The following GARNL3 variants were observed in gnomAD, a reference collection of about 807,000 sequenced individuals.
GARNL3 encodes GTPase activating Rap/RanGAP domain like 3.
Under a neutral mutation model 125.0 loss-of-function variants are expected in GARNL3, and 63 were observed. The ratio of observed to expected loss-of-function variants is 0.50; its 90% CI spans 0.41 to 0.62. The LOEUF is 0.62. Among genes scored for constraint, GARNL3 ranks in the 20% least tolerant of loss-of-function variants. GARNL3 has a pLI of 0.00. For synonymous variants in GARNL3, 439 were observed against 457.5 expected (o/e 0.96, Z 0.52); for missense variants, 994 against 1,244.0 (o/e 0.80, Z 3.02).
intron 6 of GARNL3, among the ~76,000 whole-genome samples, chr9:127,321,871 A>G (rs1353733083): frequency 2.0e-5 from 3 of 152,224 alleles, no homozygotes. Context: ...TTTTAGGTAA[A>G]TAGCAAGAGG....
At chr9:127,353,772 C>A in intron 17 of GARNL3, 74 bp from the exon 18 acceptor site, 1 of 984,238 alleles carries the variant, frequency 1.0e-6, no homozygotes, top group Admixed American at 1.7e-5. Context: ...CAAAACTACC[C>A]ACAGGCACGT....
chr9:127,291,024 C>T (rs926601899), intron 1 of GARNL3, 144 bp from the exon 2 acceptor site: 1 of 736,050 alleles, frequency 1.4e-6, no homozygotes, highest in African/African-American at 1.8e-5. Flanking sequence ...GAGTACCTGC[C>T]TGATAGAGCT....
chr9:127,277,902 G>A (rs988284687), intron 1 of GARNL3, among the ~76,000 whole-genome samples: 2 of 152,182 alleles, frequency 1.3e-5, no homozygotes, highest in East Asian at 3.9e-4. Flanking sequence ...GTCATTATTT[G>A]TGGGCATTTT....
At chr9:127,375,257 G>A (rs192123948) in intron 22 of GARNL3, among the ~76,000 whole-genome samples, 23 of 152,278 alleles carry the variant, frequency 1.5e-4, no homozygotes, top group South Asian at 6.2e-4. Flanking sequence ...AAGGTTAGGA[G>A]TTCAAGACCA....
At chr9:127,284,877 G>C (rs113614677) in intron 1 of GARNL3, among the ~76,000 whole-genome samples, 358 of 151,910 alleles carry the variant, frequency 2.4e-3, no homozygotes, top group Middle Eastern at 0.017. Flanking sequence ...CTGTGTTGCC[G>C]AGGCTGGAGT....
chr9:127,254,585 A>G (rs1005917372), intron 2 of GARNL3, among the ~76,000 whole-genome samples: 10 of 152,098 alleles, frequency 6.6e-5, no homozygotes, highest in Admixed American at 1.3e-4. Context: ...CCTGGCCAAC[A>G]TGGTGAAACC....
At position 127,388,933 on chromosome 9, in the gene GARNL3, A is replaced by G; in HGVS notation, c.2557A>G (p.Ile853Val). The G allele has an allele frequency of 6.2e-7, 1 of 1,611,594 alleles. No homozygotes were observed. Among genetic ancestry groups the G allele is most frequent in the Non-Finnish European group, 8.5e-7 (1 of 1,177,614 alleles). Residue 853 changes from isoleucine (I) to valine (V), a missense_variant, in exon 26 of 28, where the codon ATT (isoleucine) becomes GTT (valine). Ile to Val is a conservative substitution (Grantham distance 29). Around this residue, in one of 5 missense-constraint regions of GARNL3, gnomAD observed 728 missense variants for 865.7 expected, o/e 0.84. Coordinates refer to ENST00000373387, the MANE Select transcript of GARNL3 (RefSeq NM_032293.5). ...AATTCAATCAAAAAATCTGTACAAG[A>G]TTCCACTTAGAAACCTCGTGGGCAG... ...GEIQSKNLYK[I>V]PLRNLVGRSI...
intron 25 of GARNL3, among the ~76,000 whole-genome samples, chr9:127,388,054 G>A (rs1832640997): frequency 6.6e-6 from 1 of 152,084 alleles, no homozygotes; most frequent in South Asian, 2.1e-4. Flanking sequence ...GCTGAGGTGG[G>A]AGGATCACCT....
rs75622680 is a variant in GARNL3, at chr9:127,359,919, T to A, written c.2094+2542T>A. On this transcript the variant is annotated intron_variant, in intron 21 of 27. Transcript: ENST00000373387. ...TTGATGACTTCTGTGCTTTGTTTTT[T>A]GGATGGCTGTCAGGAACAACTCTCA... 2.7e-3 allele frequency among the ~76,000 whole-genome samples: 410 copies of A among 152,330 alleles called. 3 individuals carry two copies. Among genetic ancestry groups the A allele is most frequent in the African/African-American group, 9.3e-3 (386 of 41,572 alleles).
At chr9:127,378,182 A>G (rs558702373) in intron 22 of GARNL3, among the ~76,000 whole-genome samples, 11 of 151,828 alleles carry the variant, frequency 7.2e-5, no homozygotes, top group Admixed American at 3.9e-4. Context: ...CACAGGATGC[A>G]ATGAGCCAAG....
chr9:127,237,579 C>T (rs955482723), intron 1 of GARNL3, among the ~76,000 whole-genome samples: 1 of 152,174 alleles, frequency 6.6e-6, no homozygotes, highest in African/African-American at 2.4e-5. Flanking sequence ...TTTCTCCAAT[C>T]ATAACAAAAA....
Position 127,335,563 on chromosome 9 carries a change from A to G in GARNL3, c.873+230A>G, listed in dbSNP as rs7855101. Among the ~76,000 whole-genome samples the G allele has an allele frequency of 0.56, 85,013 of 152,042 alleles. 24,577 individuals carry two copies. Among genetic ancestry groups the G allele is most frequent in the East Asian group, 0.74 (3,839 of 5,176 alleles). ...TAAGGGGTCAGAGATAATAATGTGC[A>G]TGCGTGTGTATGTGTAAACATGTAT... is the stretch of plus-strand genomic sequence containing the variant. On this transcript the variant is annotated intron_variant, in intron 10 of 27. Transcript: ENST00000373387.
chr9:127,232,985 C>T (rs1249663011), intron 1 of GARNL3, among the ~76,000 whole-genome samples: 2 of 152,058 alleles, frequency 1.3e-5, no homozygotes, highest in Non-Finnish European at 2.9e-5. Context: ...TCCAGGAGGT[C>T]GAGGTTTCAG....
chr9:127,309,742 C>CAA (rs35069206), intron 2 of GARNL3, among the ~76,000 whole-genome samples: 2 of 151,892 alleles, frequency 1.3e-5, no homozygotes, highest in Non-Finnish European at 2.9e-5. Flanking sequence ...AGTTGCCCCC[C>CAA]AAAAAAAGCT....
At chr9:127,381,053 A>G (rs1283842754) in intron 22 of GARNL3, among the ~76,000 whole-genome samples, 5 of 151,958 alleles carry the variant, frequency 3.3e-5, no homozygotes, top group African/African-American at 1.2e-4. Context: ...TGATTTTTGT[A>G]TTTTTGGTAG....
At chr9:127,302,174 C>T (rs2064815393) in intron 2 of GARNL3, among the ~76,000 whole-genome samples, 1 of 151,852 alleles carries the variant, frequency 6.6e-6, no homozygotes, top group Non-Finnish European at 1.5e-5. Context: ...GATCTCCTGA[C>T]CTCATGATCC....
intron 8 of GARNL3, 63 bp from the exon 9 acceptor site, chr9:127,332,960 A>C: frequency 8.9e-7 from 1 of 1,129,284 alleles, no homozygotes; most frequent in Middle Eastern, 1.9e-4. Flanking sequence ...ATTCCGGTCC[A>C]TAGTTAGAAA....
At chr9:127,377,870 A>G (rs1316208126) in intron 22 of GARNL3, among the ~76,000 whole-genome samples, 1 of 151,984 alleles carries the variant, frequency 6.6e-6, no homozygotes, top group Non-Finnish European at 1.5e-5. Flanking sequence ...TAAAATTTCT[A>G]TGCCAAAAAG....
Position 127,371,734 on chromosome 9 carries a change from CAT to C in GARNL3, c.2161+6371_2161+6372del, listed in dbSNP as rs546608972. On this transcript the variant is annotated intron_variant, in intron 22 of 27. Coordinates refer to ENST00000373387, the MANE Select transcript of GARNL3 (RefSeq NM_032293.5). ...TTTAATCAAGTGAGTCACATAATAACATATCATTAATGTGTTATATATTTTGT... is the reference window on the plus strand; with the variant it reads ...TTTAATCAAGTGAGTCACATAATAACATCATTAATGTGTTATATATTTTGT... Among the ~76,000 whole-genome samples, 47 of 152,204 alleles carry C rather than the reference CAT, an allele frequency of 3.1e-4. 1 individual carries two copies. Among genetic ancestry groups the C allele is most frequent in the Admixed American group, 2.2e-3 (33 of 15,300 alleles).
Sources: gnomAD v4.1 joint callset for allele counts (sites outside exome capture counted in the v4.1 genomes callset) on GRCh38, gnomAD v4.1.1 for gene constraint, gnomAD v4.1.1 regional missense constraint, MANE v1.5 for transcripts, NCBI Gene and HGNC (gene_info 2026-07-23, HGNC 2026-07-21) for gene names.